Variants in HEBP1 observed in about 807,000 individuals in gnomAD.
HEBP1 encodes the protein heme binding protein 1.
Under a neutral mutation model 20.4 loss-of-function variants are expected in HEBP1, and 13 were observed. That is an observed-to-expected ratio of 0.64 (90% confidence interval 0.42 to 1.01). The LOEUF (loss-of-function observed/expected upper bound fraction) is 1.01, where lower values mean the gene tolerates loss of function less well. Ranked by LOEUF, HEBP1 falls within the 50% of genes least tolerant of loss-of-function variation. The pLI is 0.00. For synonymous variants in HEBP1, 92 were observed against 90.7 expected (o/e 1.01, Z -0.08); for missense variants, 241 against 247.3 (o/e 0.97, Z 0.17).
At chr12:12,995,757 A>T (rs1220828657) in intron 1 of HEBP1, among the ~76,000 whole-genome samples, 1 of 152,244 alleles carries the variant, frequency 6.6e-6, no homozygotes, top group Non-Finnish European at 1.5e-5. Context: ...CTTGATTCTT[A>T]AAATTTAACA....
At chr12:12,981,966 T>C (rs928529444) in intron 3 of HEBP1, among the ~76,000 whole-genome samples, 2 of 152,122 alleles carry the variant, frequency 1.3e-5, no homozygotes, top group African/African-American at 4.8e-5. Flanking sequence ...AGCTCTTTTG[T>C]TCATGTATCC....
At position 12,975,445 on chromosome 12, in the gene HEBP1, C is replaced by T. The variant is rs758143123; in HGVS notation, c.433G>A (p.Val145Ile). The T allele has an allele frequency of 6.8e-6, 11 of 1,610,286 alleles. No homozygotes were observed. Among genetic ancestry groups the T allele is most frequent in the Admixed American group, 1.7e-5 (1 of 59,128 alleles). Reference protein sequence around the residue: ...FGGYAKEADYVAQATRLRAAL... With the variant: ...FGGYAKEADYIAQATRLRAAL... ...GCACGCAGACGGGTGGCTTGTGCTA[C>T]GTAGTCTGCTTCCTTGGCATAACCA... Residue 145 changes from valine (V) to isoleucine (I), a missense_variant, in exon 4 of 4, where the codon GTA becomes ATA. Physicochemically the swap from Val to Ile is conservative, Grantham distance 29. Transcript: ENST00000014930.
At chr12:12,979,236 A>G (rs1864041881) in intron 3 of HEBP1, among the ~76,000 whole-genome samples, 1 of 152,116 alleles carries the variant, frequency 6.6e-6, no homozygotes, top group African/African-American at 2.4e-5. Flanking sequence ...CCTAAAATTC[A>G]CTCCGGGAAA....
chr12:12,983,777 C>T (rs1211865575), intron 3 of HEBP1: 3 of 456,036 alleles, frequency 6.6e-6, no homozygotes, highest in East Asian at 6.9e-5. Flanking sequence ...GGTCACCGAC[C>T]TGCCTTTGAT....
intron 1 of HEBP1, among the ~76,000 whole-genome samples, chr12:12,991,081 A>G (rs1056757246): frequency 1.3e-5 from 2 of 152,114 alleles, no homozygotes; most frequent in African/African-American, 4.8e-5. Flanking sequence ...AGTAATAACA[A>G]ACCTCTGGTC....
At chr12:12,982,022 T>C (rs1864091266) in intron 3 of HEBP1, among the ~76,000 whole-genome samples, 1 of 152,174 alleles carries the variant, frequency 6.6e-6, no homozygotes, top group South Asian at 2.1e-4. Context: ...GGGGTCTCAT[T>C]ATGTTGCCCA....
Position 12,986,237 on chromosome 12 carries a change from C to G in HEBP1, c.398+915G>C, listed in dbSNP as rs1864150679. The G allele has an allele frequency of 6.6e-6, 1 of 152,266 alleles. No individual in the cohort carries two copies. Among genetic ancestry groups the G allele is most frequent in the African/African-American group, 2.4e-5 (1 of 41,454 alleles). 9.4% of individuals were successfully genotyped at this position (152,266 alleles called of 1,614,324 possible). ...GGCCCTGCAGTCACCTGGCCTAGGA[C>G]TACACACAGCGGTGAAACTCACATT... On this transcript the variant is annotated intron_variant, in intron 3 of 3. Transcript: ENST00000014930. This position sits in a 1 kb window ranked among gnomAD's most constrained non-coding sequence, Gnocchi z 4.3.
At chr12:12,987,381 G>C (rs1273754096) in intron 2 of HEBP1, 49 bp from the exon 3 acceptor site, 7 of 1,504,580 alleles carry the variant, frequency 4.7e-6, no homozygotes, top group Non-Finnish European at 5.5e-6. Context: ...GACAGAGCTT[G>C]CTCAGGGCTG....
Position 12,975,064 on chromosome 12 carries a change from C to T in HEBP1, c.*244G>A, listed in dbSNP as rs146842330. 9.5e-4 allele frequency: 333 copies of T among 352,216 alleles called. 1 individual carries two copies. The highest frequency in any genetic ancestry group is 6.7e-3 in the African/African-American group (312 of 46,640). 21.8% of individuals were successfully genotyped at this position (352,216 alleles called of 1,614,324 possible). ...AGCTGCCAGGATTTTTCTGGTCTATCGCAGAATTTTCTACATCAATGAGAA... is the reference window on the plus strand; with the variant it reads ...AGCTGCCAGGATTTTTCTGGTCTATTGCAGAATTTTCTACATCAATGAGAA... On this transcript the variant is annotated 3_prime_UTR_variant, in exon 4 of 4. Transcript: ENST00000014930.
Position 12,996,891 on chromosome 12 carries a change from A to G in HEBP1, c.78+3146T>C, listed in dbSNP as rs1361832132. 6.6e-6 allele frequency among the ~76,000 whole-genome samples: 1 copy of G among 152,304 alleles called. No homozygotes were observed. The highest frequency in any genetic ancestry group is 2.1e-4 in the South Asian group (1 of 4,826). ...AAAACAATCTATTAATATATGAACTATTATTTTCTTCCACAATTAGCTTCA... is the reference window on the plus strand; with the variant it reads ...AAAACAATCTATTAATATATGAACTGTTATTTTCTTCCACAATTAGCTTCA... On this transcript the variant is annotated intron_variant, in intron 1 of 3. Coordinates refer to ENST00000014930, the MANE Select transcript of HEBP1 (RefSeq NM_015987.5). The surrounding 1 kb of genome is among the most constrained non-coding windows in gnomAD (Gnocchi z 4.1).
intron 1 of HEBP1, among the ~76,000 whole-genome samples, chr12:12,992,785 C>T (rs1240262982): frequency 6.6e-6 from 1 of 152,202 alleles, no homozygotes; most frequent in Non-Finnish European, 1.5e-5. Flanking sequence ...TGAGAGCGCA[C>T]CTACCCTTGG....
intron 3 of HEBP1, among the ~76,000 whole-genome samples, chr12:12,981,216 C>CCTCCTGTGTCTCTG (rs1864077933): frequency 1.3e-5 from 2 of 152,142 alleles, no homozygotes; most frequent in Non-Finnish European, 2.9e-5. Context: ...AGGGGACCAT[C>CCTCCTGTGTCTCTG]ACTAAGACAG....
At chr12:12,980,787 A>G (rs971559759) in intron 3 of HEBP1, among the ~76,000 whole-genome samples, 1 of 152,214 alleles carries the variant, frequency 6.6e-6, no homozygotes, top group Admixed American at 6.5e-5. Context: ...CATTTTTACT[A>G]GGCTTTACTG....
intron 1 of HEBP1, among the ~76,000 whole-genome samples, chr12:12,991,802 C>T (rs766608651): frequency 1.3e-5 from 2 of 152,122 alleles, no homozygotes; most frequent in Non-Finnish European, 2.9e-5. Flanking sequence ...GTTTTCTTCT[C>T]TTCTACTCTA....
At chr12:12,999,186 C>T (rs1378312579) in intron 1 of HEBP1, among the ~76,000 whole-genome samples, 1 of 152,360 alleles carries the variant, frequency 6.6e-6, no homozygotes, top group South Asian at 2.1e-4. Context: ...CCAAGCCCCC[C>T]AGTGGATACC....
chr12:12,987,038 T>A (rs1186630647), intron 3 of HEBP1, 114 bp downstream of exon 3: 1 of 808,188 alleles, frequency 1.2e-6, no homozygotes, highest in Admixed American at 2.4e-5. Flanking sequence ...CATTTCCTAC[T>A]TAAATTAATT....
At chr12:12,975,824 C>G (rs1592396496) in intron 3 of HEBP1, among the ~76,000 whole-genome samples, 1 of 152,104 alleles carries the variant, frequency 6.6e-6, no homozygotes, top group South Asian at 2.1e-4. Context: ...GTTTGCTTTC[C>G]CAAAGGCCAA....
chr12:12,983,054 GT>G (rs374435746), intron 3 of HEBP1, among the ~76,000 whole-genome samples: 257 of 152,322 alleles, frequency 1.7e-3, no homozygotes, highest in African/African-American at 5.8e-3. Context: ...GATGAACTGG[GT>G]TGGAGCATAG....
In HEBP1 at chr12:12,975,424, G is replaced by A. The variant is rs759302892; in HGVS notation, c.454C>T (p.Arg152Cys). ...ADYVAQATRL[R>C]AALEGTATYR... is the part of the protein sequence containing the mutation. ...GTGGCTGTGCCCTCCAGGGCAGCAC[G>A]CAGACGGGTGGCTTGTGCTACGTAG... Residue 152 changes from arginine (R) to cysteine (C), a missense_variant, in exon 4 of 4, where the codon CGT (arginine) becomes TGT (cysteine). By Grantham distance (180) the Arg-to-Cys change is radical (BLOSUM62 -3). Coordinates refer to ENST00000014930, the MANE Select transcript of HEBP1 (RefSeq NM_015987.5). The A allele has an allele frequency of 2.9e-5, 47 of 1,612,282 alleles. No individual in the cohort carries two copies. The highest frequency in any genetic ancestry group is 4.4e-5 in the South Asian group (4 of 90,916).
Sources: gnomAD v4.1 joint callset for allele counts (sites outside exome capture counted in the v4.1 genomes callset) on GRCh38, gnomAD v4.1.1 for gene constraint, Gnocchi (gnomAD v3.1) non-coding constraint, MANE v1.5 for transcripts, NCBI Gene and HGNC (gene_info 2026-07-23, HGNC 2026-07-21) for gene names.